The following PIGN variants were observed in gnomAD, a reference collection of about 807,000 sequenced individuals.
The protein encoded by PIGN is GPI ethanolamine phosphate transferase 1.
Under a neutral mutation model 125.4 loss-of-function variants are expected in PIGN, and 117 were observed. That is an observed-to-expected ratio of 0.93 (90% CI 0.80 to 1.09). The LOEUF (loss-of-function observed/expected upper bound fraction) is 1.09. PIGN is among the 50% of genes least tolerant of loss of function. The pLI, the probability that PIGN is intolerant of heterozygous loss-of-function variation, is 0.00. For missense variants in PIGN, 1,075 were observed against 1,094.9 expected, an observed-to-expected ratio of 0.98 and a Z score of 0.26; for synonymous variants, 392 against 377.8, an observed-to-expected ratio of 1.04 and a Z score of -0.44.
intron 14 of PIGN, 28 bp downstream of exon 14, chr18:62,138,215 A>G: frequency 6.5e-7 from 1 of 1,539,942 alleles, no homozygotes; most frequent in South Asian, 1.2e-5. Context: ...CTTTCCTTCA[A>G]GTTAATAAAA....
intron 22 of PIGN, among the ~76,000 whole-genome samples, chr18:62,099,847 C>G (rs1376538433): frequency 6.6e-6 from 1 of 152,006 alleles, no homozygotes; most frequent in Non-Finnish European, 1.5e-5. Flanking sequence ...AATGTAAGAC[C>G]TGAAACCATA....
At chr18:62,024,584 C>T (rs1295505302) in intron 23 of PIGN, among the ~76,000 whole-genome samples, 2 of 152,198 alleles carry the variant, frequency 1.3e-5, no homozygotes, top group African/African-American at 4.8e-5. Flanking sequence ...ATAACTCCAA[C>T]CTTAGCCCCA....
intron 30 of PIGN, among the ~76,000 whole-genome samples, chr18:62,047,297 TG>T (rs924697341): frequency 6.6e-6 from 1 of 152,266 alleles, no homozygotes; most frequent in African/African-American, 2.4e-5. Context: ...GGAGGGAAGC[TG>T]GTACTTCTGT....
intron 22 of PIGN, among the ~76,000 whole-genome samples, chr18:62,096,544 A>C (rs868755415): frequency 3.5e-5 from 1 of 28,670 alleles, no homozygotes; most frequent in Non-Finnish European, 6.6e-5. Flanking sequence ...TTTTTTTTTT[A>C]TTATACTCTA....
chr18:62,179,735 A>C (rs2037651392), intron 1 of PIGN, among the ~76,000 whole-genome samples: 1 of 152,194 alleles, frequency 6.6e-6, no homozygotes, highest in Non-Finnish European at 1.5e-5. Flanking sequence ...TGACAAAGTG[A>C]GACCCTGTCT....
intron 9 of PIGN, 22 bp from the exon 10 acceptor site, chr18:62,146,047 TA>T (rs2036316950): frequency 9.2e-7 from 1 of 1,085,992 alleles, no homozygotes; most frequent in Non-Finnish European, 1.3e-6. Flanking sequence ...ATATAAAGAA[TA>T]ATAAGACAAA....
chr18:62,167,525 G>A (rs534668217), intron 1 of PIGN, among the ~76,000 whole-genome samples: 24 of 151,190 alleles, frequency 1.6e-4, no homozygotes, highest in Middle Eastern at 3.4e-3. Flanking sequence ...TCAGCTACTC[G>A]GGAGGCTGAG....
chr18:62,110,233 G>C (rs2034822855), intron 16 of PIGN: 1 of 320,686 alleles, frequency 3.1e-6, no homozygotes, highest in Admixed American at 4.6e-5. Flanking sequence ...CTTAAAGTTT[G>C]TTTGCAAGTA....
chr18:62,026,117 T>C (rs1357543189), intron 23 of PIGN, among the ~76,000 whole-genome samples: 1 of 152,216 alleles, frequency 6.6e-6, no homozygotes, highest in African/African-American at 2.4e-5. Flanking sequence ...TATTCCTTTA[T>C]AAATCCCGTT....
At chr18:62,089,102 ATTGAG>A (rs1369532507) in intron 24 of PIGN, among the ~76,000 whole-genome samples, 8 of 152,138 alleles carry the variant, frequency 5.3e-5, no homozygotes, top group Non-Finnish European at 8.8e-5. Context: ...AAAAGTGAGA[ATTGAG>A]TTTTTTCTTA....
chr18:62,107,366 G>GCA, intron 17 of PIGN: 12 of 319,164 alleles, frequency 3.8e-5, no homozygotes, highest in Non-Finnish European at 7.1e-5. Flanking sequence ...AGGCTGAAGA[G>GCA]GGCGGATCAC....
At chr18:62,033,365 T>G (rs2030218582) in intron 23 of PIGN, among the ~76,000 whole-genome samples, 1 of 152,220 alleles carries the variant, frequency 6.6e-6, no homozygotes, top group South Asian at 2.1e-4. Flanking sequence ...CATACTGAAC[T>G]GTATGAAATA....
At chr18:62,164,570 G>A (rs1354944342) in intron 1 of PIGN, among the ~76,000 whole-genome samples, 1 of 151,982 alleles carries the variant, frequency 6.6e-6, no homozygotes, top group African/African-American at 2.4e-5. Context: ...CTCACTATCA[G>A]GAGAACAGCA....
intron 30 of PIGN, chr18:62,051,698 T>G (rs2031307665): frequency 6.6e-6 from 1 of 152,122 alleles, no homozygotes; most frequent in Admixed American, 6.5e-5. Flanking sequence ...TGTCTCTATT[T>G]CCTTCAGTTG....
intron 1 of PIGN, among the ~76,000 whole-genome samples, chr18:62,166,688 T>G (rs878981438): frequency 6.6e-6 from 1 of 151,994 alleles, no homozygotes; most frequent in Admixed American, 6.5e-5. Context: ...ATAAAGAAAA[T>G]GTGGCATATA....
At chr18:62,059,376 A>T (rs2031976089) in intron 30 of PIGN, among the ~76,000 whole-genome samples, 1 of 152,074 alleles carries the variant, frequency 6.6e-6, no homozygotes, top group African/African-American at 2.4e-5. Flanking sequence ...GGTAGATTAA[A>T]AGCAACAAGG....
At position 62,095,967 on chromosome 18, in the gene PIGN, CA is replaced by C. The variant is rs1250235382; in HGVS notation, c.2078-18del. 4.6e-6 allele frequency: 7 copies of C among 1,512,736 alleles called. No homozygotes were observed. Among genetic ancestry groups the C allele is most frequent in the Non-Finnish European group, 6.4e-6 (7 of 1,088,220 alleles). The allele number at this position is 1,512,736 out of a possible 1,614,324, so 93.7% of individuals were successfully genotyped here. On this transcript the variant is annotated intron_variant, in intron 22 of 30. Coordinates refer to ENST00000640252, the MANE Select transcript of PIGN (RefSeq NM_176787.5). The stretch of plus-strand genomic sequence containing the variant: ...AGGAAGAGGCTGCAATGAAACAGAA[CA>C]GGTCATCTGTCAGTATAAGAGACAC...
chr18:62,109,103 A>T (rs1229545515), intron 17 of PIGN, among the ~76,000 whole-genome samples: 2 of 152,206 alleles, frequency 1.3e-5, no homozygotes, highest in Admixed American at 1.3e-4. Context: ...GACTAAGTTT[A>T]AATTATAGAT....
At chr18:62,112,639 C>T (rs1239397063) in intron 16 of PIGN, 1 of 152,376 alleles carries the variant, frequency 6.6e-6, no homozygotes, top group Non-Finnish European at 1.5e-5. Context: ...TAGAAATCTG[C>T]ATTTTGAGAA....
Sources: allele counts gnomAD v4.1 joint callset (sites outside exome capture counted in the v4.1 genomes callset), GRCh38; gene constraint gnomAD v4.1.1; transcripts MANE v1.5; gene names NCBI Gene and HGNC (gene_info 2026-07-23, HGNC 2026-07-21).